Variants in SLC25A26 observed in about 807,000 individuals in gnomAD.
SLC25A26 encodes solute carrier family 25 member 26.
Under a neutral mutation model 37.8 loss-of-function variants are expected in SLC25A26, and 36 were observed. The observed-to-expected ratio is 0.95, with a 90% CI of 0.73 to 1.26. The LOEUF (loss-of-function observed/expected upper bound fraction) is 1.26. Among genes scored for constraint, SLC25A26 ranks in the 50% most tolerant of loss-of-function variants. The pLI is 0.00. For missense variants in SLC25A26, 390 were observed against 331.1 expected, an observed-to-expected ratio of 1.18 and a Z score of -1.38; for synonymous variants, 129 against 122.5, an observed-to-expected ratio of 1.05 and a Z score of -0.35.
chr3:66,294,374 T>G (rs1404536000), intron 5 of SLC25A26, among the ~76,000 whole-genome samples: 1 of 152,188 alleles, frequency 6.6e-6, no homozygotes, highest in Non-Finnish European at 1.5e-5. Flanking sequence ...TTTTGTATCC[T>G]GAGACTCTGC....
chr3:66,285,251 C>T (rs1440734771), intron 5 of SLC25A26, among the ~76,000 whole-genome samples: 2 of 151,956 alleles, frequency 1.3e-5, no homozygotes, highest in African/African-American at 2.4e-5. Flanking sequence ...TTGCTATCCA[C>T]TTGTTAAACA....
intron 2 of SLC25A26, among the ~76,000 whole-genome samples, chr3:66,241,716 T>G (rs996080597): frequency 2.6e-5 from 4 of 152,188 alleles, no homozygotes; most frequent in Non-Finnish European, 5.9e-5. Context: ...CTTTTGCTAT[T>G]GGTTACGGTT....
intron 3 of SLC25A26, among the ~76,000 whole-genome samples, chr3:66,253,593 A>G (rs1046510007): frequency 5.3e-5 from 8 of 152,098 alleles, no homozygotes; most frequent in African/African-American, 1.4e-4. Context: ...CAGGAAGTCA[A>G]CATTCCCTTG....
At chr3:66,224,682 A>G (rs1264225150) in intron 1 of SLC25A26, among the ~76,000 whole-genome samples, 1 of 152,326 alleles carries the variant, frequency 6.6e-6, no homozygotes, top group African/African-American at 2.4e-5. Flanking sequence ...GTCTTAACTC[A>G]TTTTAGCATT....
At chr3:66,317,634 T>G (rs1330463502) in intron 5 of SLC25A26, among the ~76,000 whole-genome samples, 2 of 152,206 alleles carry the variant, frequency 1.3e-5, no homozygotes, top group African/African-American at 4.8e-5. Flanking sequence ...GGCTGCCCGT[T>G]GGCAGAGTGG....
chr3:66,223,986 A>T (rs2071620830), intron 1 of SLC25A26, among the ~76,000 whole-genome samples: 1 of 152,214 alleles, frequency 6.6e-6, no homozygotes, highest in Non-Finnish European at 1.5e-5. Flanking sequence ...GAAGAATTAG[A>T]CAAACAATGG....
intron 1 of SLC25A26, among the ~76,000 whole-genome samples, chr3:66,151,694 A>G (rs1168908629): frequency 6.6e-6 from 1 of 152,094 alleles, no homozygotes; most frequent in Non-Finnish European, 1.5e-5. Context: ...CCTCTTTACC[A>G]TCCCCATCCT....
intron 1 of SLC25A26, among the ~76,000 whole-genome samples, chr3:66,178,325 C>A (rs533727683): frequency 6.6e-6 from 1 of 152,160 alleles, no homozygotes; most frequent in African/African-American, 2.4e-5. Context: ...AAGGGATAGT[C>A]TGAAGTGTGG....
intron 1 of SLC25A26, among the ~76,000 whole-genome samples, chr3:66,226,110 CTGTT>C (rs2071737387): frequency 6.6e-6 from 1 of 152,154 alleles, no homozygotes; most frequent in Admixed American, 6.5e-5. Flanking sequence ...CTGTATTAGT[CTGTT>C]CTCACACTGC....
At chr3:66,201,610 A>T (rs1399344508) in intron 1 of SLC25A26, among the ~76,000 whole-genome samples, 1 of 152,174 alleles carries the variant, frequency 6.6e-6, no homozygotes, top group Non-Finnish European at 1.5e-5. Flanking sequence ...TCCTAAGGTT[A>T]TAGGTGTAAT....
intron 1 of SLC25A26, among the ~76,000 whole-genome samples, chr3:66,186,569 T>G (rs2070832314): frequency 6.6e-6 from 1 of 152,060 alleles, no homozygotes; most frequent in Non-Finnish European, 1.5e-5. Flanking sequence ...ATCCTTATCC[T>G]AAACCTGACC....
At chr3:66,281,556 G>A (rs1043858661) in intron 5 of SLC25A26, among the ~76,000 whole-genome samples, 11 of 151,936 alleles carry the variant, frequency 7.2e-5, no homozygotes, top group African/African-American at 2.7e-4. Flanking sequence ...AAATCCCCAT[G>A]GACTCATGGA....
chr3:66,273,529 T>C (rs1365095006), intron 5 of SLC25A26, among the ~76,000 whole-genome samples: 1 of 152,166 alleles, frequency 6.6e-6, no homozygotes, highest in African/African-American at 2.4e-5. Flanking sequence ...AAAGTCTCCT[T>C]AAGCTGATAA....
intron 5 of SLC25A26, among the ~76,000 whole-genome samples, chr3:66,307,482 T>C (rs1017166964): frequency 2.0e-5 from 3 of 152,250 alleles, no homozygotes; most frequent in Non-Finnish European, 4.4e-5. Flanking sequence ...TAGTTTCTTT[T>C]GCTGTGCAGA....
chr3:66,377,695 T>C lies in SLC25A26; in HGVS notation c.713T>C (p.Phe238Ser). The C allele has an allele frequency of 6.2e-7, 1 of 1,612,896 alleles. No homozygotes were observed. Among genetic ancestry groups the C allele is most frequent in the Non-Finnish European group, 8.5e-7 (1 of 1,178,992 alleles). Residue 238 changes from phenylalanine (F) to serine (S), a missense_variant, in exon 10 of 10, where the codon TTT (phenylalanine) becomes TCT (serine). Phe to Ser is a radical substitution (Grantham distance 155). Coordinates refer to ENST00000354883, the MANE Select transcript of SLC25A26 (RefSeq NM_001379210.1). ...VWRSQGLAGL[F>S]AGVFPRMAAI... The stretch of plus-strand genomic sequence containing the variant: ...AATCCTGTTTTTTCCCCTAGATTAT[T>C]TGCAGGTGTCTTCCCTCGAATGGCA...
rs140384350 is a variant in SLC25A26 at position 66,173,914 on chromosome 3, G to A, written c.-354+39930G>A. 3.8e-3 allele frequency among the ~76,000 whole-genome samples: 584 copies of A among 152,200 alleles called. 6 individuals carry two copies. The highest frequency in any genetic ancestry group is 0.013 in the African/African-American group (531 of 41,538). On this transcript the variant is annotated intron_variant, in intron 1 of 10. Coordinates refer to the SLC25A26 transcript ENST00000676754. ...AAAAACACAAAAAAATTAGCTGGGC[G>A]TGGTGGCGCATGCCTGTAATCCCAG...
At chr3:66,204,790 T>C (rs2071156401) in intron 1 of SLC25A26, among the ~76,000 whole-genome samples, 1 of 152,218 alleles carries the variant, frequency 6.6e-6, no homozygotes, top group African/African-American at 2.4e-5. Flanking sequence ...TATCAATGTC[T>C]GCCGTGTGTA....
intron 5 of SLC25A26, among the ~76,000 whole-genome samples, chr3:66,281,994 G>C: frequency 1.0e-5 from 1 of 96,786 alleles, no homozygotes; most frequent in African/African-American, 4.7e-5. Context: ...AACTGATTTT[G>C]CATTTTTTTT....
At chr3:66,356,016 A>T (rs1338310331) in intron 6 of SLC25A26, 2 of 454,684 alleles carry the variant, frequency 4.4e-6, no homozygotes, top group Non-Finnish European at 8.8e-6. Flanking sequence ...ATAGTAAAAT[A>T]TCATCATCTT....
Sources: allele counts gnomAD v4.1 joint callset (sites outside exome capture counted in the v4.1 genomes callset), GRCh38; gene constraint gnomAD v4.1.1; transcripts MANE v1.5; gene names NCBI Gene and HGNC (gene_info 2026-07-23, HGNC 2026-07-21).